Variants in RAB31 observed in about 807,000 individuals in gnomAD.
RAB31 encodes ras-related protein Rab-31.
RAB31 carries 21 observed loss-of-function variants against 25.6 expected under a neutral mutation model. That is an observed-to-expected ratio of 0.82 (90% CI 0.58 to 1.18). The LOEUF (loss-of-function observed/expected upper bound fraction) is 1.18. RAB31 is among the 50% of genes most tolerant of loss of function. RAB31 has a pLI of 0.00. For synonymous variants in RAB31, 87 were observed against 84.0 expected, an observed-to-expected ratio of 1.04 and a Z score of -0.20; for missense variants, 196 against 250.1, an observed-to-expected ratio of 0.78 and a Z score of 1.46.
intron 1 of RAB31, among the ~76,000 whole-genome samples, chr18:9,730,660 C>T (rs1334390290): frequency 6.6e-6 from 1 of 152,162 alleles, no homozygotes; most frequent in Non-Finnish European, 1.5e-5. Context: ...TATGTAAATC[C>T]TCTTTCCTGA....
intron 1 of RAB31, among the ~76,000 whole-genome samples, chr18:9,753,781 T>C (rs1250562388): frequency 6.6e-6 from 1 of 152,142 alleles, no homozygotes; most frequent in African/African-American, 2.4e-5. Context: ...CTCAAGTTCT[T>C]AATGTGTAAA....
chr18:9,837,148 G>A (rs1411628248), intron 5 of RAB31, among the ~76,000 whole-genome samples: 6 of 151,934 alleles, frequency 3.9e-5, no homozygotes, highest in Non-Finnish European at 8.8e-5. Flanking sequence ...GACACACGGG[G>A]AGATTCAGTA....
rs541458112 is a variant in RAB31, at chr18:9,771,360, T to G, written c.40-3918T>G. Among the ~76,000 whole-genome samples the G allele has an allele frequency of 7.2e-5, 11 of 152,290 alleles. No individual in the cohort carries two copies. In the East Asian group the frequency reaches 2.1e-3, roughly 29 times the overall value. ...GGACTGGACAAGACGGCCTGTGGTA[T>G]TCTCAGAATCTTACGAAATGGAATA... On this transcript the variant is annotated intron_variant, in intron 1 of 6. Coordinates refer to ENST00000578921, the MANE Select transcript of RAB31 (RefSeq NM_006868.4).
intron 5 of RAB31, among the ~76,000 whole-genome samples, chr18:9,841,538 C>CA (rs56283904): frequency 0.14 from 14,280 of 100,716 alleles, 1,590 homozygotes; most frequent in East Asian, 0.39. Context: ...GACTCTGTCT[C>CA]AAAAAAAAAA....
intron 5 of RAB31, among the ~76,000 whole-genome samples, chr18:9,826,030 C>A (rs1040478163): frequency 1.3e-5 from 2 of 152,122 alleles, no homozygotes; most frequent in Admixed American, 6.5e-5. Context: ...AGTGTCACCC[C>A]GCATACCCAT....
chr18:9,752,259 C>G (rs2068238954), intron 1 of RAB31, among the ~76,000 whole-genome samples: 2 of 152,024 alleles, frequency 1.3e-5, no homozygotes, highest in African/African-American at 2.4e-5. Flanking sequence ...GAGTCTTGCT[C>G]TGTTGCCCAG....
chr18:9,726,453 T>C (rs940135238), intron 1 of RAB31, among the ~76,000 whole-genome samples: 3 of 152,216 alleles, frequency 2.0e-5, no homozygotes, highest in African/African-American at 7.2e-5. Flanking sequence ...ACTTTTCTCA[T>C]TGCAAAATAC....
intron 5 of RAB31, among the ~76,000 whole-genome samples, chr18:9,829,377 G>A (rs958665308): frequency 5.9e-5 from 9 of 152,224 alleles, no homozygotes; most frequent in Non-Finnish European, 1.3e-4. Flanking sequence ...TTCACCTGAT[G>A]GGGGTTAGCT....
At chr18:9,776,787 G>A (rs770662968) in intron 2 of RAB31, among the ~76,000 whole-genome samples, 19 of 152,146 alleles carry the variant, frequency 1.2e-4, no homozygotes, top group Non-Finnish European at 2.4e-4. Context: ...GGGAACGCAA[G>A]TCTTCTACAT....
chr18:9,804,848 G>A (rs2068531870), intron 3 of RAB31, among the ~76,000 whole-genome samples: 1 of 152,138 alleles, frequency 6.6e-6, no homozygotes, highest in Non-Finnish European at 1.5e-5. Flanking sequence ...GCTTTTTGAG[G>A]GCAGGGACCT....
chr18:9,814,815 T>A (rs1019653955), intron 4 of RAB31: 1 of 237,304 alleles, frequency 4.2e-6, no homozygotes, highest in African/African-American at 2.3e-5. Context: ...CTTAGTCCTG[T>A]TATTCTTATT....
At chr18:9,822,630 T>G (rs1427811257) in intron 5 of RAB31, among the ~76,000 whole-genome samples, 2 of 152,080 alleles carry the variant, frequency 1.3e-5, no homozygotes, top group African/African-American at 4.8e-5. Context: ...TGAAAAAATT[T>G]GAAAATGGCA....
At chr18:9,793,977 C>T (rs1416858111) in intron 3 of RAB31, among the ~76,000 whole-genome samples, 3 of 152,196 alleles carry the variant, frequency 2.0e-5, no homozygotes, top group Non-Finnish European at 2.9e-5. Context: ...GTCACCCAGG[C>T]TGGAGTGCAG....
chr18:9,816,564 C>T (rs1346363112), intron 5 of RAB31, among the ~76,000 whole-genome samples: 163 of 152,166 alleles, frequency 1.1e-3, no homozygotes, highest in Non-Finnish European at 2.6e-4. Flanking sequence ...TACATAATCT[C>T]ACTATTTAGT....
chr18:9,857,678 TA>T (rs1481496985), intron 6 of RAB31, among the ~76,000 whole-genome samples: 403 of 123,240 alleles, frequency 3.3e-3, no homozygotes, highest in African/African-American at 4.6e-3. Context: ...GATAGATAGA[TA>T]GATAGATGAT....
intron 3 of RAB31, among the ~76,000 whole-genome samples, chr18:9,802,623 C>T (rs1452140752): frequency 1.3e-5 from 2 of 152,238 alleles, no homozygotes; most frequent in Admixed American, 6.5e-5. Flanking sequence ...TCTGGCCACC[C>T]CAGGCTGTTC....
intron 3 of RAB31, among the ~76,000 whole-genome samples, chr18:9,806,505 C>G (rs2068542308): frequency 6.6e-6 from 1 of 151,296 alleles, no homozygotes; most frequent in African/African-American, 2.4e-5. Flanking sequence ...GGGCCTGCCT[C>G]TGTGTTTAGG....
At chr18:9,768,054 C>A (rs1306788323) in intron 1 of RAB31, among the ~76,000 whole-genome samples, 1 of 152,122 alleles carries the variant, frequency 6.6e-6, no homozygotes, top group Admixed American at 6.5e-5. Context: ...TGAACTCATC[C>A]TTTTTTATGG....
intron 3 of RAB31, among the ~76,000 whole-genome samples, chr18:9,802,761 C>T (rs911150355): frequency 6.6e-5 from 10 of 152,164 alleles, no homozygotes; most frequent in African/African-American, 1.2e-4. Flanking sequence ...CAAAGCTGTG[C>T]GGAATCGCTG....
Sources: allele counts gnomAD v4.1 joint callset (sites outside exome capture counted in the v4.1 genomes callset), GRCh38; gene constraint gnomAD v4.1.1; transcripts MANE v1.5; gene names NCBI Gene and HGNC (gene_info 2026-07-23, HGNC 2026-07-21).